ATP2B4: variants seen among roughly 807,000 people sequenced by gnomAD.
ATP2B4 encodes the protein ATPase plasma membrane Ca2+ transporting 4, also known as plasma membrane calcium-transporting ATPase 4.
Under a neutral mutation model 110.3 loss-of-function variants are expected in ATP2B4, and 39 were observed. The ratio of observed to expected loss-of-function variants is 0.35; its 90% confidence interval spans 0.27 to 0.46. ATP2B4 has a LOEUF of 0.46. Among genes scored for constraint, ATP2B4 ranks in the 20% least tolerant of loss-of-function variants. ATP2B4 has a pLI of 1.00. For synonymous variants in ATP2B4, 538 were observed against 571.7 expected, an observed-to-expected ratio of 0.94 and a Z score of 0.84; for missense variants, 1,135 against 1,530.9, an observed-to-expected ratio of 0.74 and a Z score of 4.32.
At position 203,693,246 on chromosome 1, in the gene ATP2B4, A is replaced by T. The variant is rs887551703; in HGVS notation, c.194-4911A>T. 5.3e-5 allele frequency among the ~76,000 whole-genome samples: 8 copies of T among 152,284 alleles called. No homozygotes were observed. In the South Asian group the frequency reaches 1.7e-3, roughly 32 times the overall value. On this transcript the variant is annotated intron_variant, in intron 2 of 20. Coordinates refer to ENST00000357681, the MANE Select transcript of ATP2B4 (RefSeq NM_001684.5). The stretch of plus-strand genomic sequence containing the variant: ...CTGAAAGACTCTCTAGGGCAGAAAG[A>T]ATTGGAATGGAAAGCCCAAAACTGG...
rs763142569 is a variant in ATP2B4, at chr1:203,710,859, T to C, written c.1800-18T>C. ...AGTGGGAAGGGAGACACCGCGTTCT[T>C]ACTGTGCGCCTCCCCAGGTGTAATC... On this transcript the variant is annotated intron_variant, in intron 11 of 20. Transcript: ENST00000357681. 3.8e-6 allele frequency: 6 copies of C among 1,578,302 alleles called. No homozygotes were observed. The Admixed American group carries it at 1.0e-4, about 27-fold the overall frequency.
At chr1:203,657,991 A>C in intron 1 of ATP2B4, among the ~76,000 whole-genome samples, 1 of 152,126 alleles carries the variant, frequency 6.6e-6, no homozygotes, top group Non-Finnish European at 1.5e-5. Flanking sequence ...GGCGTGAACC[A>C]CGGCCGATCA....
chr1:203,721,421 T>C lies in ATP2B4; in HGVS notation c.2812+11T>C, dbSNP rs1421844717. The C allele has an allele frequency of 3.1e-6, 5 of 1,613,038 alleles. No individual in the cohort carries two copies. The Admixed American group carries it at 8.3e-5, about 27-fold the overall frequency. ...TCCTTGTCTTTGCGGGTGAGCCACT[T>C]TGGGGGTGGGTAGCAGCTGGGGTCC... On this transcript the variant is annotated intron_variant, in intron 17 of 20. Coordinates refer to ENST00000357681, the MANE Select transcript of ATP2B4 (RefSeq NM_001684.5).
chr1:203,698,502 A>G, intron 3 of ATP2B4, 148 bp downstream of exon 3: 2 of 784,880 alleles, frequency 2.5e-6, no homozygotes, highest in Non-Finnish European at 4.0e-6. Context: ...ACCAAGCAGT[A>G]GCTACTAAGC....
intron 13 of ATP2B4, among the ~76,000 whole-genome samples, chr1:203,712,396 T>G (rs557115134): frequency 1.2e-3 from 180 of 152,088 alleles, no homozygotes; most frequent in Non-Finnish European, 2.2e-3. Flanking sequence ...ATAGAGACCA[T>G]CCTGGCCAAC....
chr1:203,703,515 G>A, intron 7 of ATP2B4, 137 bp from the exon 8 acceptor site: 1 of 913,296 alleles, frequency 1.1e-6, no homozygotes, highest in Non-Finnish European at 1.7e-6. Context: ...AGCATGGGTT[G>A]GAAGTGGTCG....
chr1:203,686,771 A>G (rs1322806661), intron 2 of ATP2B4, among the ~76,000 whole-genome samples: 10 of 133,988 alleles, frequency 7.5e-5, no homozygotes, highest in African/African-American at 2.8e-4. Context: ...TTGGCTCACT[A>G]CAACCTCCGC....
intron 1 of ATP2B4, among the ~76,000 whole-genome samples, chr1:203,673,864 C>A (rs1019676854): frequency 6.6e-6 from 1 of 152,146 alleles, no homozygotes; most frequent in African/African-American, 2.4e-5. Flanking sequence ...TGGGAACAAC[C>A]AGGTCCCGAC....
intron 20 of ATP2B4, chr1:203,728,421 A>T (rs912516604): frequency 4.3e-6 from 1 of 234,948 alleles, no homozygotes; most frequent in Admixed American, 5.4e-5. Flanking sequence ...TTTAATCCTG[A>T]GATTTTCCAT....
At chr1:203,657,872 A>T (rs1664211610) in intron 1 of ATP2B4, 1 of 334,188 alleles carries the variant, frequency 3.0e-6, no homozygotes, top group Non-Finnish European at 5.5e-6. Context: ...ACCCTTTTTT[A>T]AAAATATTTG....
At chr1:203,693,468 A>T (rs1665443308) in intron 2 of ATP2B4, among the ~76,000 whole-genome samples, 1 of 152,300 alleles carries the variant, frequency 6.6e-6, no homozygotes, top group Admixed American at 6.5e-5. Flanking sequence ...GAACACATAG[A>T]TGAGTAGAAA....
intron 8 of ATP2B4, among the ~76,000 whole-genome samples, chr1:203,706,004 A>G (rs1665838293): frequency 6.6e-6 from 1 of 152,202 alleles, no homozygotes; most frequent in Non-Finnish European, 1.5e-5. Context: ...GGGAAAAGCA[A>G]AAACCAAAAC....
intron 7 of ATP2B4, 98 bp from the exon 8 acceptor site, chr1:203,703,554 C>T: frequency 7.1e-7 from 1 of 1,400,182 alleles, no homozygotes; most frequent in South Asian, 1.3e-5. Context: ...AAGGTATATT[C>T]CGGGAAAGAG....
intron 1 of ATP2B4, among the ~76,000 whole-genome samples, chr1:203,677,424 G>GA (rs1208631989): frequency 6.6e-6 from 1 of 152,084 alleles, no homozygotes; most frequent in East Asian, 1.9e-4. Context: ...CTCTAGGTCA[G>GA]AAAAAAGACT....
chr1:203,721,965 T>C (rs572816283), intron 17 of ATP2B4, among the ~76,000 whole-genome samples: 11 of 152,208 alleles, frequency 7.2e-5, no homozygotes, highest in Admixed American at 6.5e-4. Context: ...CTGGCTTATT[T>C]CTTTTTTTAC....
At chr1:203,677,496 G>A (rs1368873356) in intron 1 of ATP2B4, among the ~76,000 whole-genome samples, 3 of 152,076 alleles carry the variant, frequency 2.0e-5, no homozygotes, top group African/African-American at 4.8e-5. Flanking sequence ...GCAGAGTCTC[G>A]CTGTCACCCA....
At chr1:203,699,391 A>G in intron 3 of ATP2B4, 69 bp from the exon 4 acceptor site, 1 of 1,576,260 alleles carries the variant, frequency 6.3e-7, no homozygotes, top group South Asian at 1.2e-5. Flanking sequence ...TGATTGTGGA[A>G]GCACTACTCC....
In ATP2B4 at chr1:203,683,201, G is replaced by A. The variant is rs779554688; in HGVS notation, c.-5G>A. 11 of 1,612,440 alleles carry A rather than the reference G, an allele frequency of 6.8e-6. No individual in the cohort carries two copies. The highest frequency in any genetic ancestry group is 1.1e-5 in the South Asian group (1 of 90,878). ...TGGTTGAGGGGCTTGGTAACAGCAG[G>A]CAAAATGACGAACCCATCAGACCGT... On this transcript the variant is annotated 5_prime_UTR_variant, in exon 2 of 21. Transcript: ENST00000357681.
rs116727963 is a variant in ATP2B4, at chr1:203,702,478, C to T, written c.937+399C>T. ...GAGGTGGGGTGGGTAGTCCCTGCAC[C>T]GTCCTCTTGCTAGCTTCCTCATAAG... On this transcript the variant is annotated intron_variant, in intron 7 of 20. Coordinates refer to ENST00000357681, the MANE Select transcript of ATP2B4 (RefSeq NM_001684.5). Among the ~76,000 whole-genome samples, 144 of 152,214 alleles carry T rather than the reference C, an allele frequency of 9.5e-4. 1 individual carries two copies. Among genetic ancestry groups the T allele is most frequent in the African/African-American group, 3.3e-3 (137 of 41,522 alleles).
Sources: gnomAD v4.1 joint callset for allele counts (sites outside exome capture counted in the v4.1 genomes callset) on GRCh38, gnomAD v4.1.1 for gene constraint, MANE v1.5 for transcripts, NCBI Gene and HGNC (gene_info 2026-07-23, HGNC 2026-07-21) for gene names.